The following NSMAF variants were observed in gnomAD, a reference collection of about 807,000 sequenced individuals.
NSMAF encodes the protein neutral sphingomyelinase activation associated factor, also known as protein FAN.
NSMAF carries 90 observed loss-of-function variants against 134.9 expected under a neutral mutation model. That is an observed-to-expected ratio of 0.67 (90% CI 0.56 to 0.79). The LOEUF is 0.79. NSMAF is among the 30% of genes least tolerant of loss of function. The pLI is 0.00. For missense variants in NSMAF, 1,010 were observed against 1,119.0 expected (o/e 0.90, Z 1.39); for synonymous variants, 358 against 389.6 (o/e 0.92, Z 0.96).
chr8:58,586,972 T>A (rs992925122), intron 27 of NSMAF, among the ~76,000 whole-genome samples: 6 of 152,160 alleles, frequency 3.9e-5, no homozygotes, highest in Admixed American at 3.3e-4. Context: ...TTTGAGGGAT[T>A]TGTGGGAGTG....
rs1274176504 is a variant in NSMAF, at chr8:58,590,072, A to G, written c.2022T>C (p.Ala674=). 41 of 1,612,490 alleles carry G rather than the reference A, an allele frequency of 2.5e-5. No individual in the cohort carries two copies. Among genetic ancestry groups the G allele is most frequent in the Non-Finnish European group, 3.3e-5 (39 of 1,178,566 alleles). ...LQRSISFSNM[A]LSSCLLLPGD... is the part of the protein sequence containing the mutation. ...CTGGTAAAAGTAAACAAGACGATAA[A>G]GCCTGAAATACAAATGATTTGACGT... is the stretch of plus-strand genomic sequence containing the variant. The change falls in exon 25 of 31, where the codon GCT becomes GCC. Residue 674 remains alanine (A), a splice_region_variant and synonymous_variant. Transcript: ENST00000038176.
chr8:58,657,268 T>G (rs572897262), intron 1 of NSMAF, among the ~76,000 whole-genome samples: 51 of 152,350 alleles, frequency 3.3e-4, no homozygotes, highest in Non-Finnish European at 3.4e-4. Flanking sequence ...ATTTCAAGTT[T>G]CTTTTCTGGG....
intron 6 of NSMAF, among the ~76,000 whole-genome samples, chr8:58,626,286 A>AG (rs200646297): frequency 0.031 from 4,159 of 132,726 alleles, 211 homozygotes; most frequent in African/African-American, 0.1. Flanking sequence ...TAGTAGAGAC[A>AG]GGTTTCACAG....
rs567161719 is a variant in NSMAF, at chr8:58,621,634, T to C, written c.557+1586A>G. On this transcript the variant is annotated intron_variant, in intron 9 of 30. Transcript: ENST00000038176. ...CACCAGCATGTTATTTTTTGAGTAA[T>C]AGCCATTCAAAATTTACTAAATTTT... Among the ~76,000 whole-genome samples the C allele has an allele frequency of 6.6e-5, 10 of 152,338 alleles. No individual in the cohort carries two copies. The East Asian group carries it at 9.6e-4, about 15-fold the overall frequency.
At position 58,583,622 on chromosome 8, in the gene NSMAF, A is replaced by C. The variant is rs1319884532; in HGVS notation, c.*484T>G. 1 of 165,630 alleles carries C rather than the reference A, an allele frequency of 6.0e-6. No individual in the cohort carries two copies. Among genetic ancestry groups the C allele is most frequent in the African/African-American group, 2.4e-5 (1 of 41,542 alleles). The allele number at this position is 165,630 out of a possible 1,614,324, so 10.3% of individuals were successfully genotyped here. A position where few individuals can be genotyped will look rare whatever the true frequency, so the allele number is the denominator to read the frequency against. Reference sequence around the variant, plus strand: ...GCTAATCCTTCTCCAGGTTCTTAGAATCTGGGTACAGCATTATAGAAAGTA... The same window carrying C: ...GCTAATCCTTCTCCAGGTTCTTAGACTCTGGGTACAGCATTATAGAAAGTA... On this transcript the variant is annotated 3_prime_UTR_variant, in exon 31 of 31. Coordinates refer to ENST00000038176, the MANE Select transcript of NSMAF (RefSeq NM_003580.4).
At chr8:58,588,119 G>A (rs1344041266) in intron 26 of NSMAF, among the ~76,000 whole-genome samples, 1 of 152,128 alleles carries the variant, frequency 6.6e-6, no homozygotes, top group Non-Finnish European at 1.5e-5. Flanking sequence ...AAAACTCCTG[G>A]AGGAATTCTA....
rs753953836 is a variant in NSMAF, at chr8:58,659,645, G to A, written c.-14C>T. On this transcript the variant is annotated 5_prime_UTR_variant, in exon 1 of 31. Transcript: ENST00000038176. ...GATAAACGCCATGGAGGGTAGGCGC[G>A]GGCGGGCGCAGAGCGCACAGGCAGG... The A allele has an allele frequency of 5.1e-5, 73 of 1,425,572 alleles. No individual in the cohort carries two copies. In the African/African-American group the frequency reaches 1.0e-3, roughly 20 times the overall value. 88.3% of individuals were successfully genotyped at this position (1,425,572 alleles called of 1,614,324 possible). A position where few individuals can be genotyped will look rare whatever the true frequency, so the allele number is the denominator to read the frequency against.
At chr8:58,610,243 GA>G (rs1394794328) in intron 9 of NSMAF, among the ~76,000 whole-genome samples, 3 of 152,044 alleles carry the variant, frequency 2.0e-5, no homozygotes, top group Non-Finnish European at 4.4e-5. Context: ...ATTTACTGCA[GA>G]AAACCTCTGA....
chr8:58,595,885 T>C, intron 21 of NSMAF: 3 of 406,244 alleles, frequency 7.4e-6, no homozygotes, highest in South Asian at 3.1e-5. Context: ...AATCTTTTTA[T>C]ACTTTAACAA....
At position 58,594,293 on chromosome 8, in the gene NSMAF, G is replaced by A. The variant is rs374664157; in HGVS notation, c.1893-3C>T. 27 of 1,613,304 alleles carry A rather than the reference G, an allele frequency of 1.7e-5. No individual in the cohort carries two copies. Among genetic ancestry groups the A allele is most frequent in the Middle Eastern group, 1.6e-4 (1 of 6,084 alleles). ...AGACCGTGATTCCAGTAACTGCTCT[G>A]CTCAAAAACAAAGTTTCACAAATTA... is the stretch of plus-strand genomic sequence containing the variant. On this transcript the variant is annotated splice_region_variant and splice_polypyrimidine_tract_variant and intron_variant, in intron 22 of 30. Transcript: ENST00000038176.
At chr8:58,642,882 A>C in intron 2 of NSMAF, 102 bp downstream of exon 2, 2 of 826,988 alleles carry the variant, frequency 2.4e-6, no homozygotes, top group South Asian at 3.1e-5. Context: ...TTTAAAGCCT[A>C]ATTTTTTCTT....
chr8:58,643,881 A>G (rs577952807), intron 1 of NSMAF, among the ~76,000 whole-genome samples: 11 of 152,230 alleles, frequency 7.2e-5, no homozygotes, highest in Non-Finnish European at 1.3e-4. Flanking sequence ...TGTCTACACA[A>G]TGGGTGTTTA....
chr8:58,657,257 C>A (rs982184243), intron 1 of NSMAF, among the ~76,000 whole-genome samples: 2 of 152,184 alleles, frequency 1.3e-5, no homozygotes, highest in Admixed American at 1.3e-4. Flanking sequence ...AATAAATGCT[C>A]ATTTCAAGTT....
At chr8:58,606,663 G>A (rs778023432) in intron 11 of NSMAF, among the ~76,000 whole-genome samples, 5 of 152,084 alleles carry the variant, frequency 3.3e-5, no homozygotes, top group African/African-American at 4.8e-5. Flanking sequence ...AAAAACCTAT[G>A]AGCTTTGTGA....
At chr8:58,622,065 T>C (rs1161194027) in intron 9 of NSMAF, among the ~76,000 whole-genome samples, 1 of 152,202 alleles carries the variant, frequency 6.6e-6, no homozygotes, top group Non-Finnish European at 1.5e-5. Flanking sequence ...CAGAATGGTA[T>C]TTCCTAGGTT....
intron 1 of NSMAF, among the ~76,000 whole-genome samples, chr8:58,646,453 T>G (rs1807454520): frequency 6.6e-6 from 1 of 152,194 alleles, no homozygotes; most frequent in Non-Finnish European, 1.5e-5. Flanking sequence ...ATATCAGCTA[T>G]TTTAGAACTA....
At chr8:58,595,306 C>T (rs1806111823) in intron 22 of NSMAF, among the ~76,000 whole-genome samples, 1 of 152,216 alleles carries the variant, frequency 6.6e-6, no homozygotes, top group Non-Finnish European at 1.5e-5. Flanking sequence ...CCGACCACAT[C>T]TTGTACTGTG....
chr8:58,595,822 T>C, intron 21 of NSMAF, 163 bp from the exon 22 acceptor site: 2 of 552,172 alleles, frequency 3.6e-6, no homozygotes, highest in Non-Finnish European at 6.5e-6. Context: ...TCCACGTTAG[T>C]CAAGGAAAAA....
At chr8:58,622,147 A>G (rs541554720) in intron 9 of NSMAF, among the ~76,000 whole-genome samples, 1 of 152,254 alleles carries the variant, frequency 6.6e-6, no homozygotes, top group African/African-American at 2.4e-5. Flanking sequence ...ATTTTTGTAT[A>G]TGGTGTAAGG....
Sources: allele counts gnomAD v4.1 joint callset (sites outside exome capture counted in the v4.1 genomes callset), GRCh38; gene constraint gnomAD v4.1.1; transcripts MANE v1.5; gene names NCBI Gene and HGNC (gene_info 2026-07-23, HGNC 2026-07-21).